The following SEZ6L variants were observed in gnomAD, a reference collection of about 807,000 sequenced individuals.
SEZ6L encodes the protein seizure related 6 homolog like.
SEZ6L carries 37 observed loss-of-function variants against 106.2 expected under a neutral mutation model. The ratio of observed to expected loss-of-function variants is 0.35; its 90% confidence interval spans 0.27 to 0.46. The LOEUF (loss-of-function observed/expected upper bound fraction) is 0.46. Ranked by LOEUF, SEZ6L falls within the 20% of genes least tolerant of loss-of-function variation. The pLI, the probability that SEZ6L is intolerant of heterozygous loss-of-function variation, is 1.00. For missense variants in SEZ6L, 1,172 were observed against 1,332.8 expected (o/e 0.88, Z 1.88); for synonymous variants, 541 against 570.4 (o/e 0.95, Z 0.73).
chr22:26,322,884 C>A (rs943144096), intron 9 of SEZ6L, among the ~76,000 whole-genome samples: 2 of 152,180 alleles, frequency 1.3e-5, no homozygotes, highest in Non-Finnish European at 2.9e-5. Flanking sequence ...CTTTTAAACC[C>A]TAAGGGCCTT....
chr22:26,276,342 C>T (rs2080544408), intron 1 of SEZ6L, among the ~76,000 whole-genome samples: 1 of 152,212 alleles, frequency 6.6e-6, no homozygotes, highest in African/African-American at 2.4e-5. Context: ...AACTTGGGGG[C>T]AAAGCCAGTG....
intron 9 of SEZ6L, among the ~76,000 whole-genome samples, chr22:26,331,125 T>C (rs913882508): frequency 2.0e-5 from 3 of 152,164 alleles, no homozygotes; most frequent in Non-Finnish European, 4.4e-5. Context: ...GGCTCCTGAT[T>C]GGTTGGGGTA....
intron 1 of SEZ6L, among the ~76,000 whole-genome samples, chr22:26,281,374 C>CTTTCT (rs1556303687): frequency 1.5e-5 from 2 of 130,596 alleles, no homozygotes; most frequent in African/African-American, 5.8e-5. Context: ...TTCTTTCTTT[C>CTTTCT]TTTTTTTTTT....
Position 26,373,290 on chromosome 22 carries a change from A to G in SEZ6L, c.2795-161A>G, listed in dbSNP as rs144685981. The stretch of plus-strand genomic sequence containing the variant: ...TGGTAACTTAGGAAGTGAATAGTCC[A>G]GGCACGTTCACTGATTATAGTGGCC... On this transcript the variant is annotated intron_variant, in intron 13 of 16. Coordinates refer to ENST00000248933, the MANE Select transcript of SEZ6L (RefSeq NM_021115.5). 1.9e-3 allele frequency among the ~76,000 whole-genome samples: 291 copies of G among 152,342 alleles called. 1 individual carries two copies. Among genetic ancestry groups the G allele is most frequent in the African/African-American group, 6.8e-3 (283 of 41,568 alleles).
chr22:26,220,634 C>T (rs2078436783), intron 1 of SEZ6L, among the ~76,000 whole-genome samples: 1 of 152,156 alleles, frequency 6.6e-6, no homozygotes, highest in Non-Finnish European at 1.5e-5. Flanking sequence ...GAACTCATCC[C>T]TATGATGTCA....
At chr22:26,380,142 G>T in intron 16 of SEZ6L, 124 bp from the exon 17 acceptor site, 1 of 794,702 alleles carries the variant, frequency 1.3e-6, no homozygotes, top group South Asian at 1.7e-5. Flanking sequence ...GGGTCAGAGT[G>T]GGAGGGCACT....
intron 12 of SEZ6L, among the ~76,000 whole-genome samples, chr22:26,353,234 C>T (rs1008408089): frequency 1.3e-5 from 2 of 152,098 alleles, no homozygotes; most frequent in Admixed American, 6.6e-5. Flanking sequence ...CAACTGCCCC[C>T]ATTGTACAGA....
intron 15 of SEZ6L, 148 bp downstream of exon 15, chr22:26,375,837 G>A (rs1239879220): frequency 1.5e-5 from 9 of 613,480 alleles, no homozygotes; most frequent in African/African-American, 3.7e-5. Context: ...CCCAGATTCA[G>A]CCCAACTCTG....
intron 6 of SEZ6L, among the ~76,000 whole-genome samples, chr22:26,308,331 G>T (rs192438074): frequency 6.6e-6 from 1 of 150,976 alleles, no homozygotes; most frequent in African/African-American, 2.5e-5. Context: ...TAGCAAATTT[G>T]TTGGGGGGCT....
chr22:26,238,207 T>C (rs903914919), intron 1 of SEZ6L, among the ~76,000 whole-genome samples: 4 of 152,076 alleles, frequency 2.6e-5, no homozygotes, highest in Non-Finnish European at 5.9e-5. Context: ...CCCCATGCAG[T>C]TGATGAAAAG....
In SEZ6L at chr22:26,351,066, G is replaced by A. The variant is rs1170747224; in HGVS notation, c.2422G>A (p.Asp808Asn). The A allele has an allele frequency of 6.2e-6, 10 of 1,613,710 alleles. No homozygotes were observed. The highest frequency in any genetic ancestry group is 5.0e-5 in the Admixed American group (3 of 59,988). ...ATCCCGTGTAGTTATGTACTGCACCGACCCCGGAGAGGTGGATCACTCGAC... is the reference window on the plus strand; with the variant it reads ...ATCCCGTGTAGTTATGTACTGCACCAACCCCGGAGAGGTGGATCACTCGAC... Reference protein sequence around the residue: ...PFCEKIMYCTDPGEVDHSTRL... With the variant: ...PFCEKIMYCTNPGEVDHSTRL... Residue 808 changes from aspartate to asparagine, a missense_variant, in exon 12 of 17, where the codon GAC becomes AAC. Coordinates refer to ENST00000248933, the MANE Select transcript of SEZ6L (RefSeq NM_021115.5).
chr22:26,242,550 G>T (rs1488266629), intron 1 of SEZ6L, among the ~76,000 whole-genome samples: 2 of 152,232 alleles, frequency 1.3e-5, no homozygotes, highest in Non-Finnish European at 1.5e-5. Context: ...CACGACTATT[G>T]ATACCCGTGG....
chr22:26,201,128 C>G (rs570555544), intron 1 of SEZ6L, among the ~76,000 whole-genome samples: 2 of 152,288 alleles, frequency 1.3e-5, no homozygotes, highest in Non-Finnish European at 2.9e-5. Context: ...GAACTGTAAG[C>G]TCTTCAGAGA....
chr22:26,228,504 T>C (rs1444336895), intron 1 of SEZ6L, among the ~76,000 whole-genome samples: 8 of 152,288 alleles, frequency 5.3e-5, no homozygotes, highest in African/African-American at 1.9e-4. Flanking sequence ...TGCTGGGCAA[T>C]GGGTACCCAG....
chr22:26,320,658 A>G (rs1406030993), intron 9 of SEZ6L, among the ~76,000 whole-genome samples: 1 of 152,216 alleles, frequency 6.6e-6, no homozygotes, highest in Non-Finnish European at 1.5e-5. Context: ...ATACAGCACC[A>G]GCAAGAGGAA....
At chr22:26,358,366 G>A (rs5997077) in intron 12 of SEZ6L, among the ~76,000 whole-genome samples, 10,007 of 152,162 alleles carry the variant, frequency 0.066, 1,147 homozygotes, top group African/African-American at 0.23. Context: ...ATTGAAAAAC[G>A]AACATGCCAA....
chr22:26,221,750 A>G (rs1449359345), intron 1 of SEZ6L, among the ~76,000 whole-genome samples: 8 of 145,202 alleles, frequency 5.5e-5, no homozygotes, highest in Non-Finnish European at 8.8e-5. Context: ...GCACACACAC[A>G]CACACACACA....
chr22:26,212,375 G>A (rs1473483704), intron 1 of SEZ6L, among the ~76,000 whole-genome samples: 1 of 152,196 alleles, frequency 6.6e-6, no homozygotes, highest in Non-Finnish European at 1.5e-5. Context: ...GCTAAAATGA[G>A]TTGGAAACCC....
intron 3 of SEZ6L, among the ~76,000 whole-genome samples, 189 bp from the exon 4 acceptor site, chr22:26,296,699 C>T (rs924853423): frequency 1.2e-4 from 18 of 152,238 alleles, no homozygotes; most frequent in Non-Finnish European, 2.2e-4. Flanking sequence ...ATCCCCTTGG[C>T]TTTTGGGGAA....
Sources: gnomAD v4.1 joint callset for allele counts (sites outside exome capture counted in the v4.1 genomes callset) on GRCh38, gnomAD v4.1.1 for gene constraint, MANE v1.5 for transcripts, NCBI Gene and HGNC (gene_info 2026-07-23, HGNC 2026-07-21) for gene names.